Variants in CASR observed in about 807,000 individuals in gnomAD.
CASR encodes extracellular calcium-sensing receptor.
CASR carries 23 observed loss-of-function variants against 69.1 expected under a neutral mutation model. The ratio of observed to expected loss-of-function variants is 0.33; its 90% CI spans 0.24 to 0.47. The LOEUF (loss-of-function observed/expected upper bound fraction) is 0.47. Ranked by LOEUF, CASR falls within the 20% of genes least tolerant of loss-of-function variation. The pLI is 1.00. For synonymous variants in CASR, 541 were observed against 544.7 expected (o/e 0.99, Z 0.10); for missense variants, 924 against 1,356.1 (o/e 0.68, Z 5.00).
chr3:122,241,491 G>A (rs560753017), intron 1 of CASR, among the ~76,000 whole-genome samples: 8 of 152,062 alleles, frequency 5.3e-5, no homozygotes, highest in South Asian at 2.1e-4. Context: ...AGGAAATCCA[G>A]AACCTGAACA....
chr3:122,279,826 CATGTGCAGG>C (rs1328964124), intron 5 of CASR, among the ~76,000 whole-genome samples: 4 of 152,130 alleles, frequency 2.6e-5, no homozygotes, highest in African/African-American at 9.7e-5. Flanking sequence ...TTCTGGGGTA[CATGTGCAGG>C]ATGTGCAGGT....
chr3:122,268,744 A>G (rs2074722114), intron 4 of CASR, among the ~76,000 whole-genome samples: 1 of 152,224 alleles, frequency 6.6e-6, no homozygotes, highest in South Asian at 2.1e-4. Context: ...AAGAAAGAAA[A>G]TGGGACAAAA....
chr3:122,258,931 G>A (rs2074587381), intron 3 of CASR, among the ~76,000 whole-genome samples: 1 of 152,050 alleles, frequency 6.6e-6, no homozygotes, highest in Non-Finnish European at 1.5e-5. Flanking sequence ...GGGAACCACT[G>A]CCCTGCCGGG....
intron 1 of CASR, among the ~76,000 whole-genome samples, chr3:122,210,981 A>G (rs144250335): frequency 0.021 from 3,218 of 152,314 alleles, 114 homozygotes; most frequent in African/African-American, 0.074. Flanking sequence ...AGAACAAGCA[A>G]TGGGGAAAGG....
In CASR at chr3:122,284,640, C is replaced by T. The variant is rs749125441; in HGVS notation, c.2686C>T (p.Arg896Cys). 3 of 1,614,002 alleles carry T rather than the reference C, an allele frequency of 1.9e-6. No homozygotes were observed. The highest frequency in any genetic ancestry group is 2.2e-5 in the East Asian group (1 of 44,874). ...CACGCTGCGCCGCAGCAACGTCTCC[C>T]GCAAGCGGTCCAGCAGCCTTGGAGG... ...RATLRRSNVS[R>C]KRSSSLGGST... Residue 896 changes from arginine (R) to cysteine (C), a missense_variant, in exon 7 of 7, where the codon CGC (arginine) becomes TGC (cysteine). Transcript: ENST00000639785.
intron 1 of CASR, among the ~76,000 whole-genome samples, chr3:122,186,482 T>C (rs746485948): frequency 6.6e-6 from 1 of 152,166 alleles, no homozygotes; most frequent in Non-Finnish European, 1.5e-5. Flanking sequence ...AAAAAATCAT[T>C]CATCATTCAT....
chr3:122,246,196 A>C (rs2074426168), intron 1 of CASR, among the ~76,000 whole-genome samples: 1 of 152,158 alleles, frequency 6.6e-6, no homozygotes, highest in South Asian at 2.1e-4. Flanking sequence ...TCAATTAATA[A>C]AGCAAGAATG....
intron 5 of CASR, 128 bp from the exon 6 acceptor site, chr3:122,281,985 G>C (rs1285369655): frequency 7.5e-7 from 1 of 1,332,160 alleles, no homozygotes; most frequent in African/African-American, 1.4e-5. Flanking sequence ...TGCCTGGAAT[G>C]GGCCCAACGT....
Position 122,186,462 on chromosome 3 carries a change from G to A in CASR, c.-243+2650G>A, listed in dbSNP as rs565248513. 4.6e-5 allele frequency among the ~76,000 whole-genome samples: 7 copies of A among 152,312 alleles called. No homozygotes were observed. The South Asian group carries it at 1.2e-3, about 27-fold the overall frequency. On this transcript the variant is annotated intron_variant, in intron 1 of 6. Transcript: ENST00000639785. The stretch of plus-strand genomic sequence containing the variant: ...CTTAAGATAACACGGCAATAAGTAA[G>A]TAAGAGGTAAAAAAATCATTCATCA...
chr3:122,273,013 C>A (rs1472678656), intron 4 of CASR, among the ~76,000 whole-genome samples: 2 of 152,208 alleles, frequency 1.3e-5, no homozygotes, highest in East Asian at 3.9e-4. Flanking sequence ...TGCAGTTCCC[C>A]TCCCCACTTC....
intron 1 of CASR, among the ~76,000 whole-genome samples, chr3:122,210,812 G>A (rs1475413688): frequency 6.6e-6 from 1 of 152,192 alleles, no homozygotes; most frequent in African/African-American, 2.4e-5. Flanking sequence ...AAAGCTGGAG[G>A]CATCATGCTA....
At chr3:122,253,585 A>G (rs1467606989) in intron 1 of CASR, among the ~76,000 whole-genome samples, 5 of 152,232 alleles carry the variant, frequency 3.3e-5, no homozygotes, top group Non-Finnish European at 2.9e-5. Context: ...TGAATAAAAT[A>G]TCTCTAATAT....
chr3:122,206,746 T>G (rs2074010588), intron 1 of CASR, among the ~76,000 whole-genome samples: 1 of 152,078 alleles, frequency 6.6e-6, no homozygotes, highest in Non-Finnish European at 1.5e-5. Context: ...TGGCTTCTAT[T>G]TCATTACTCA....
Position 122,254,151 on chromosome 3 carries a change from T to C in CASR, c.-39T>C. ...AAACTTCTGGGAGCCTCCAAACTCC[T>C]AGCTGTCTCATCCCTTGCCCTGGAG... On this transcript the variant is annotated 5_prime_UTR_variant, in exon 2 of 7. Transcript: ENST00000639785. 3.1e-6 allele frequency: 5 copies of C among 1,607,332 alleles called. No homozygotes were observed. The highest frequency in any genetic ancestry group is 4.3e-6 in the Non-Finnish European group (5 of 1,175,652).
intron 1 of CASR, among the ~76,000 whole-genome samples, chr3:122,252,409 A>AGGAAGGAAGGAAAAAG (rs1553765626): frequency 4.6e-4 from 3 of 6,468 alleles, no homozygotes; most frequent in East Asian, 9.6e-4. Flanking sequence ...GAAGGAAGGA[A>AGGAAGGAAGGAAAAAG]AAAGAAAGAA....
At chr3:122,236,663 A>G (rs1330637922) in intron 1 of CASR, among the ~76,000 whole-genome samples, 1 of 152,234 alleles carries the variant, frequency 6.6e-6, no homozygotes, top group Non-Finnish European at 1.5e-5. Flanking sequence ...GGAGTTATGG[A>G]CAAAAGCTAA....
intron 1 of CASR, among the ~76,000 whole-genome samples, chr3:122,204,381 C>T (rs527615330): frequency 6.6e-5 from 10 of 152,234 alleles, no homozygotes; most frequent in African/African-American, 2.4e-4. Flanking sequence ...ATCTCTAGTT[C>T]CATCCACGTT....
intron 1 of CASR, among the ~76,000 whole-genome samples, chr3:122,217,414 T>C (rs538205832): frequency 3.2e-3 from 480 of 152,234 alleles, no homozygotes; most frequent in Non-Finnish European, 4.9e-3. Context: ...AAAATACAAT[T>C]CTATGAGGTA....
chr3:122,282,346 C>T, intron 6 of CASR, 110 bp downstream of exon 6: 4 of 1,088,798 alleles, frequency 3.7e-6, no homozygotes, highest in Non-Finnish European at 4.3e-6. Context: ...CACAGTTTCT[C>T]ATTTAACAAA....
Sources: gnomAD v4.1 joint callset for allele counts (sites outside exome capture counted in the v4.1 genomes callset) on GRCh38, gnomAD v4.1.1 for gene constraint, MANE v1.5 for transcripts, NCBI Gene and HGNC (gene_info 2026-07-23, HGNC 2026-07-21) for gene names.